The following FAM149A variants were observed in gnomAD, a reference collection of about 807,000 sequenced individuals.
FAM149A encodes protein FAM149A.
In FAM149A, 71 loss-of-function variants were observed where a neutral mutation model predicts 78.2. That is an observed-to-expected ratio of 0.91 (90% confidence interval 0.75 to 1.11). The LOEUF (loss-of-function observed/expected upper bound fraction) is 1.11. Among genes scored for constraint, FAM149A ranks in the 50% least tolerant of loss-of-function variants. FAM149A has a pLI of 0.00. For synonymous variants in FAM149A, 446 were observed against 410.5 expected (o/e 1.09, Z -1.04); for missense variants, 1,036 against 971.0 (o/e 1.07, Z -0.89).
chr4:186,169,377 T>A, intron 13 of FAM149A: 1 of 985,400 alleles, frequency 1.0e-6, no homozygotes, highest in Non-Finnish European at 1.2e-6. Flanking sequence ...GTTGGTGCAA[T>A]GAGGCGCGTG....
In FAM149A at chr4:186,144,698, A is replaced by C; in HGVS notation, c.567-4475A>C. On this transcript the variant is annotated intron_variant, in intron 1 of 13. Coordinates refer to ENST00000389354, the MANE Select transcript of FAM149A (RefSeq NM_001367768.3). The surrounding 1 kb of genome is among the most constrained non-coding windows in gnomAD (Gnocchi z 4.2). ...AACCCGGCCCGGCAGGGAGCGGGGAAGGCGCGCTTTCCCGGAGGTCGGCGC... is the reference window on the plus strand; with the variant it reads ...AACCCGGCCCGGCAGGGAGCGGGGACGGCGCGCTTTCCCGGAGGTCGGCGC... 1 of 578,790 alleles carries C rather than the reference A, an allele frequency of 1.7e-6. No homozygotes were observed. The allele number at this position is 578,790 out of a possible 1,614,324, so 35.9% of individuals were successfully genotyped here. A position where few individuals can be genotyped will look rare whatever the true frequency, so the allele number is the denominator to read the frequency against.
chr4:186,115,399 A>G (rs2099313080), intron 1 of FAM149A, among the ~76,000 whole-genome samples: 2 of 149,642 alleles, frequency 1.3e-5, no homozygotes, highest in South Asian at 4.3e-4. Flanking sequence ...TCAGCTCGTC[A>G]AAGTCATTCT....
intron 1 of FAM149A, among the ~76,000 whole-genome samples, chr4:186,137,387 G>T (rs1164528546): frequency 6.6e-6 from 1 of 151,982 alleles, no homozygotes; most frequent in Non-Finnish European, 1.5e-5. Flanking sequence ...AGCATACCCT[G>T]TCCCTCATGC....
chr4:186,166,891 T>G (rs1735075383), intron 11 of FAM149A, 77 bp from the exon 12 acceptor site: 2 of 1,448,376 alleles, frequency 1.4e-6, no homozygotes, highest in African/African-American at 1.4e-5. Context: ...AGTGAACGAT[T>G]GAGCATGTCG....
At chr4:186,169,516 T>C (rs1181817014) in intron 13 of FAM149A, 1 of 984,696 alleles carries the variant, frequency 1.0e-6, no homozygotes, top group Non-Finnish European at 1.2e-6. Flanking sequence ...AAGCTCTTTC[T>C]TTCCTCCTGA....
Position 186,172,978 on chromosome 4 carries a change from A to T in FAM149A, c.*991A>T, listed in dbSNP as rs1321590133. Among the ~76,000 whole-genome samples, 2 of 111,554 alleles carry T rather than the reference A, an allele frequency of 1.8e-5. No homozygotes were observed. The highest frequency in any genetic ancestry group is 4.5e-5 in the Non-Finnish European group (2 of 44,284). The allele number at this position is 111,554 out of a possible 152,430, so 73.2% of individuals were successfully genotyped here. A position where few individuals can be genotyped will look rare whatever the true frequency, so the allele number is the denominator to read the frequency against. On this transcript the variant is annotated 3_prime_UTR_variant, in exon 14 of 14. Coordinates refer to ENST00000389354, the MANE Select transcript of FAM149A (RefSeq NM_001367768.3). ...TCTCTTGATTGTGATTCAAGTCCTTACACTCATTTTTACATTCTCAAATCT... is the reference window on the plus strand; with the variant it reads ...TCTCTTGATTGTGATTCAAGTCCTTTCACTCATTTTTACATTCTCAAATCT...
intron 13 of FAM149A, 70 bp downstream of exon 13, chr4:186,167,332 G>C (rs1735130357): frequency 7.4e-7 from 1 of 1,356,008 alleles, no homozygotes; most frequent in Admixed American, 1.7e-5. Flanking sequence ...CAGTGAAATG[G>C]AAGATGATCT....
chr4:186,130,293 C>CTCTCTCTCTCTCTATATATATA lies in FAM149A; in HGVS notation c.567-18879_567-18878insCTCTCTCTCTCTATATATATAT. 87 of 46,558 alleles carry CTCTCTCTCTCTCTATATATATA rather than the reference C, an allele frequency of 1.9e-3. 1 individual carries two copies. Among genetic ancestry groups the CTCTCTCTCTCTCTATATATATA allele is most frequent in the East Asian group, 3.1e-3 (4 of 1,300 alleles). 2.9% of individuals were successfully genotyped at this position (46,558 alleles called of 1,614,324 possible). ...TCTCTCTCTCTCTCTCTCTCTCTCT[C>CTCTCTCTCTCTCTATATATATA]TATATATATATATATATATATAATC... On this transcript the variant is annotated intron_variant, in intron 1 of 13. Coordinates refer to ENST00000389354, the MANE Select transcript of FAM149A (RefSeq NM_001367768.3).
chr4:186,135,208 C>T (rs1438631841), intron 1 of FAM149A, among the ~76,000 whole-genome samples: 25 of 152,172 alleles, frequency 1.6e-4, no homozygotes, highest in Admixed American at 1.6e-3. Context: ...CATAAGACAG[C>T]GGGCACCACC....
At chr4:186,159,905 A>G (rs1426478155) in intron 8 of FAM149A, among the ~76,000 whole-genome samples, 1 of 151,326 alleles carries the variant, frequency 6.6e-6, no homozygotes, top group East Asian at 1.9e-4. Flanking sequence ...GAGCCCAGCC[A>G]TGTCAAACAA....
chr4:186,106,845 G>A (rs1189085332), intron 1 of FAM149A, among the ~76,000 whole-genome samples: 2 of 152,126 alleles, frequency 1.3e-5, no homozygotes, highest in Non-Finnish European at 2.9e-5. Flanking sequence ...TACTCGGAAG[G>A]CTGAGGCAAG....
At chr4:186,149,570 T>A in intron 2 of FAM149A, 3 of 1,289,832 alleles carry the variant, frequency 2.3e-6, no homozygotes, top group Non-Finnish European at 3.0e-6. Flanking sequence ...CTGCAGCAAA[T>A]CCTTGTCATC....
chr4:186,109,798 G>A (rs892762614), intron 1 of FAM149A: 9 of 984,444 alleles, frequency 9.1e-6, no homozygotes, highest in Non-Finnish European at 1.1e-5. Flanking sequence ...CCATGTGGCT[G>A]TAATAAATGG....
At chr4:186,159,156 T>C (rs958945764) in intron 8 of FAM149A, among the ~76,000 whole-genome samples, 1 of 152,126 alleles carries the variant, frequency 6.6e-6, no homozygotes, top group Non-Finnish European at 1.5e-5. Flanking sequence ...TTGGTTGTAG[T>C]TGAGGCGTTT....
At chr4:186,156,535 G>A (rs947087309) in intron 7 of FAM149A, among the ~76,000 whole-genome samples, 6 of 152,104 alleles carry the variant, frequency 3.9e-5, no homozygotes, top group East Asian at 1.9e-4. Flanking sequence ...TTAGCCGGGC[G>A]TGGTGGTATG....
chr4:186,175,177 C>T lies in FAM149A; in HGVS notation c.*3190C>T, dbSNP rs537418570. On this transcript the variant is annotated 3_prime_UTR_variant, in exon 14 of 14. Transcript: ENST00000389354. Reference sequence around the variant, plus strand: ...GAATTTCTACACCAATTCAGAAGTACGTTTTTATATATCATTTGGATATTA... The same window carrying T: ...GAATTTCTACACCAATTCAGAAGTATGTTTTTATATATCATTTGGATATTA... 1.3e-4 allele frequency among the ~76,000 whole-genome samples: 14 copies of T among 111,088 alleles called. 4 individuals are homozygous for T. In the East Asian group the frequency reaches 2.7e-3, roughly 22 times the overall value. The allele number at this position is 111,088 out of a possible 152,430, so 72.9% of individuals were successfully genotyped here.
chr4:186,128,847 A>G (rs1007381422), intron 1 of FAM149A, among the ~76,000 whole-genome samples: 1 of 151,410 alleles, frequency 6.6e-6, no homozygotes, highest in Non-Finnish European at 1.5e-5. Context: ...GCATGTGTGT[A>G]TGGTGTATGC....
chr4:186,166,845 C>T (rs1735072593), intron 11 of FAM149A, 123 bp from the exon 12 acceptor site: 1 of 819,108 alleles, frequency 1.2e-6, no homozygotes, highest in African/African-American at 1.7e-5. Context: ...AGACCTGATC[C>T]TTAGTAATGT....
In FAM149A at chr4:186,105,289, C is replaced by G. The variant is rs1385010917; in HGVS notation, c.213C>G (p.Ala71=). 5 of 1,191,134 alleles carry G rather than the reference C, an allele frequency of 4.2e-6. No homozygotes were observed. Among genetic ancestry groups the G allele is most frequent in the Non-Finnish European group, 5.3e-6 (5 of 949,348 alleles). 73.8% of individuals were successfully genotyped at this position (1,191,134 alleles called of 1,614,324 possible). The change falls in exon 1 of 14, where the codon GCC becomes GCG. Residue 71 remains alanine, a synonymous_variant. Coordinates refer to ENST00000389354, the MANE Select transcript of FAM149A (RefSeq NM_001367768.3). The stretch of plus-strand genomic sequence containing the variant: ...CCTCCGCCTCGCGGCGGTCGCCCGC[C>G]CCGCTGCTCTCCTCCCCCTACTCCC...
Sources: allele counts gnomAD v4.1 joint callset (sites outside exome capture counted in the v4.1 genomes callset), GRCh38; gene constraint gnomAD v4.1.1; non-coding constraint Gnocchi (gnomAD v3.1); transcripts MANE v1.5; gene names NCBI Gene and HGNC (gene_info 2026-07-23, HGNC 2026-07-21).